The following HMCN1 variants were observed in gnomAD, a reference collection of about 807,000 sequenced individuals.
HMCN1 encodes the protein hemicentin 1, also known as hemicentin-1.
Under a neutral mutation model 625.9 loss-of-function variants are expected in HMCN1, and 321 were observed. The ratio of observed to expected loss-of-function variants is 0.51; its 90% confidence interval spans 0.47 to 0.56. The LOEUF (loss-of-function observed/expected upper bound fraction) is 0.56, where lower values mean the gene tolerates loss of function less well. HMCN1 is among the 20% of genes least tolerant of loss of function. The pLI is 0.00. For synonymous variants in HMCN1, 2,425 were observed against 2,417.6 expected (o/e 1.00, Z -0.09); for missense variants, 6,588 against 6,887.3 (o/e 0.96, Z 1.54).
chr1:186,114,134 T>C lies in HMCN1; in HGVS notation c.11276+11T>C, dbSNP rs775027563. ...TGGGAATCATGCAAGGTAACCATAC[T>C]GGAAAATTAAAAAATGCTATAAGAC... On this transcript the variant is annotated intron_variant, in intron 73 of 106. Coordinates refer to ENST00000271588, the MANE Select transcript of HMCN1 (RefSeq NM_031935.3). 2 of 1,613,836 alleles carry C rather than the reference T, an allele frequency of 1.2e-6. No homozygotes were observed. Among genetic ancestry groups the C allele is most frequent in the East Asian group, 2.2e-5 (1 of 44,876 alleles).
At chr1:186,149,502 G>A (rs1650539453) in intron 93 of HMCN1, among the ~76,000 whole-genome samples, 1 of 152,140 alleles carries the variant, frequency 6.6e-6, no homozygotes, top group Non-Finnish European at 1.5e-5. Flanking sequence ...GGAACATTGT[G>A]GCTGGTTTGA....
At chr1:185,906,021 A>G (rs1321144859) in intron 4 of HMCN1, among the ~76,000 whole-genome samples, 2 of 151,834 alleles carry the variant, frequency 1.3e-5, no homozygotes, top group Non-Finnish European at 2.9e-5. Context: ...ATAAAAATGC[A>G]TAATTTGTAG....
chr1:185,867,281 G>C (rs950186239), intron 4 of HMCN1, among the ~76,000 whole-genome samples: 3 of 152,102 alleles, frequency 2.0e-5, no homozygotes, highest in Admixed American at 6.5e-5. Flanking sequence ...GACTACACAG[G>C]GAGCCCTCAA....
At chr1:186,114,979 CTG>C in intron 74 of HMCN1, 33 bp downstream of exon 74, 1 of 1,613,914 alleles carries the variant, frequency 6.2e-7, no homozygotes, top group Non-Finnish European at 8.5e-7. Context: ...CATCCGGTCT[CTG>C]TGTCAAATGC....
chr1:186,089,585 A>G (rs977123739), intron 63 of HMCN1, among the ~76,000 whole-genome samples: 7 of 152,038 alleles, frequency 4.6e-5, no homozygotes, highest in South Asian at 2.1e-4. Context: ...CAGAGATTCA[A>G]CGTCAGAAGT....
chr1:186,055,664 A>G lies in HMCN1; in HGVS notation c.7134A>G (p.Leu2378=). The stretch of plus-strand genomic sequence containing the variant: ...GAATGACTGACAAAAAATATGACTT[A>G]AGTGTCCATGGTAAGTAGAAAGAGG... The part of the protein sequence containing the change: ...VAGMTDKKYD[L]SVHAPPSIIG... The change falls in exon 45 of 107, where the codon TTA becomes TTG. Residue 2378 remains leucine (L), a synonymous_variant. Transcript: ENST00000271588. The G allele has an allele frequency of 6.2e-7, 1 of 1,612,484 alleles. No homozygotes were observed. The highest frequency in any genetic ancestry group is 8.5e-7 in the Non-Finnish European group (1 of 1,178,892).
intron 4 of HMCN1, among the ~76,000 whole-genome samples, chr1:185,884,611 C>A (rs57289095): frequency 1.4e-4 from 22 of 151,906 alleles, no homozygotes; most frequent in African/African-American, 5.3e-4. Flanking sequence ...TGCCTAATGG[C>A]TTTAGTTATT....
chr1:185,879,568 A>T (rs1216805785), intron 4 of HMCN1, among the ~76,000 whole-genome samples: 3 of 152,220 alleles, frequency 2.0e-5, no homozygotes, highest in African/African-American at 7.2e-5. Context: ...TATTCATTCC[A>T]TAACATTGTT....
At chr1:186,156,458 G>A (rs1056785557) in intron 97 of HMCN1, among the ~76,000 whole-genome samples, 4 of 152,198 alleles carry the variant, frequency 2.6e-5, no homozygotes, top group African/African-American at 9.6e-5. Flanking sequence ...GCAAGGAAAT[G>A]CAAATTAATG....
At chr1:185,947,486 G>A (rs1668407320) in intron 11 of HMCN1, among the ~76,000 whole-genome samples, 1 of 152,192 alleles carries the variant, frequency 6.6e-6, no homozygotes, top group African/African-American at 2.4e-5. Flanking sequence ...TACTGCAACT[G>A]CCACATTGAT....
chr1:185,933,427 C>G, intron 10 of HMCN1, 122 bp from the exon 11 acceptor site: 1 of 917,434 alleles, frequency 1.1e-6, no homozygotes, highest in Non-Finnish European at 1.7e-6. Flanking sequence ...TGAGTAAGTT[C>G]TGTTGCACTG....
rs1654306209 is a variant in HMCN1, at chr1:186,015,454, GC to G, written c.4909+18del. On this transcript the variant is annotated intron_variant, in intron 31 of 106. Transcript: ENST00000271588. ...ATGTCTATGGTGAGGAACAACATATGCTTTAATTATATACCTTTCTACCTAT... is the reference window on the plus strand; with the variant it reads ...ATGTCTATGGTGAGGAACAACATATGTTTAATTATATACCTTTCTACCTAT... 1.9e-6 allele frequency: 3 copies of G among 1,608,900 alleles called. No individual in the cohort carries two copies. The highest frequency in any genetic ancestry group is 1.3e-5 in the African/African-American group (1 of 74,792).
intron 41 of HMCN1, 40 bp downstream of exon 41, chr1:186,045,903 G>C: frequency 6.9e-7 from 1 of 1,450,180 alleles, no homozygotes; most frequent in Non-Finnish European, 9.7e-7. Flanking sequence ...TATGTTATTA[G>C]AAGTTCATGG....
intron 4 of HMCN1, among the ~76,000 whole-genome samples, chr1:185,876,217 C>T (rs1212879831): frequency 6.6e-6 from 1 of 152,012 alleles, no homozygotes; most frequent in Non-Finnish European, 1.5e-5. Flanking sequence ...CTCCAGCTCC[C>T]TCCACGTTGC....
chr1:185,908,518 C>A (rs1229222878), intron 4 of HMCN1, among the ~76,000 whole-genome samples: 1 of 151,888 alleles, frequency 6.6e-6, no homozygotes, highest in East Asian at 1.9e-4. Flanking sequence ...GGAGTACCTG[C>A]CCAGACATGC....
At chr1:186,144,744 A>G in intron 91 of HMCN1, 41 bp downstream of exon 91, 1 of 1,606,000 alleles carries the variant, frequency 6.2e-7, no homozygotes, top group South Asian at 1.1e-5. Flanking sequence ...TACTTTCATA[A>G]AGTTTCATTA....
Position 186,093,677 on chromosome 1 carries a change from T to C in HMCN1, c.10196+8T>C, listed in dbSNP as rs765814066. ...AGCAGGACAAGTTATCAGGTCAGCT[T>C]TTATTGTGTCTGATTTCCTAAACAG... is the stretch of plus-strand genomic sequence containing the variant. On this transcript the variant is annotated splice_region_variant and intron_variant, in intron 66 of 106. Coordinates refer to ENST00000271588, the MANE Select transcript of HMCN1 (RefSeq NM_031935.3). 4 of 1,612,928 alleles carry C rather than the reference T, an allele frequency of 2.5e-6. No individual in the cohort carries two copies. Among genetic ancestry groups the C allele is most frequent in the Non-Finnish European group, 3.4e-6 (4 of 1,179,380 alleles).
intron 36 of HMCN1, among the ~76,000 whole-genome samples, chr1:186,037,358 A>G (rs1369194617): frequency 1.3e-5 from 2 of 152,172 alleles, no homozygotes; most frequent in African/African-American, 4.8e-5. Context: ...TTCCAAGTAC[A>G]TTAAATAACA....
chr1:185,750,578 A>G (rs1203850398), intron 1 of HMCN1, among the ~76,000 whole-genome samples: 2 of 152,058 alleles, frequency 1.3e-5, no homozygotes, highest in African/African-American at 2.4e-5. Flanking sequence ...TTTAATCTCT[A>G]ATGGTACTGT....
Sources: allele counts gnomAD v4.1 joint callset (sites outside exome capture counted in the v4.1 genomes callset), GRCh38; gene constraint gnomAD v4.1.1; transcripts MANE v1.5; gene names NCBI Gene and HGNC (gene_info 2026-07-23, HGNC 2026-07-21).